SLC44A5: variants seen among roughly 807,000 people sequenced by gnomAD.
SLC44A5 encodes choline transporter-like protein 5.
A neutral mutation model predicts 101.8 loss-of-function variants in SLC44A5; 57 were observed. That is an observed-to-expected ratio of 0.56 (90% CI 0.45 to 0.70). The LOEUF (loss-of-function observed/expected upper bound fraction) is 0.70, where lower values mean the gene tolerates loss of function less well. Ranked by LOEUF, SLC44A5 falls within the 30% of genes least tolerant of loss-of-function variation. The pLI is 0.00. For synonymous variants in SLC44A5, 281 were observed against 290.9 expected (o/e 0.97, Z 0.35); for missense variants, 737 against 853.1 (o/e 0.86, Z 1.70).
At chr1:75,553,323 A>G (rs1199357716) in intron 1 of SLC44A5, among the ~76,000 whole-genome samples, 1 of 152,168 alleles carries the variant, frequency 6.6e-6, no homozygotes, top group East Asian at 1.9e-4. Flanking sequence ...ACATATTACT[A>G]AATTTTTTCA....
intron 1 of SLC44A5, among the ~76,000 whole-genome samples, chr1:75,583,766 C>T (rs1167945402): frequency 3.3e-5 from 5 of 152,180 alleles, no homozygotes; most frequent in Admixed American, 3.3e-4. Flanking sequence ...GACACTCTAC[C>T]ATTTTGTAGA....
chr1:75,453,701 C>G (rs1392715895), intron 2 of SLC44A5, among the ~76,000 whole-genome samples: 1 of 151,854 alleles, frequency 6.6e-6, no homozygotes, highest in Non-Finnish European at 1.5e-5. Flanking sequence ...GCTCAATCAC[C>G]AGCGACAATG....
intron 6 of SLC44A5, among the ~76,000 whole-genome samples, chr1:75,268,114 C>T (rs1159427997): frequency 6.6e-6 from 1 of 152,144 alleles, no homozygotes; most frequent in Non-Finnish European, 1.5e-5. Flanking sequence ...CAGACATCTC[C>T]TCATTCCACC....
At chr1:75,712,681 C>T in the SLC44A5 span, among the ~76,000 whole-genome samples, 1 of 9,174 alleles carries the variant, frequency 1.1e-4, no homozygotes, top group Admixed American at 1.1e-3. Context: ...CTACAGAAGA[C>T]AAAACAAGCA....
intron 6 of SLC44A5, among the ~76,000 whole-genome samples, chr1:75,274,423 A>G (rs1651748420): frequency 6.6e-6 from 1 of 152,162 alleles, no homozygotes; most frequent in Non-Finnish European, 1.5e-5. Context: ...CATTAGAAAG[A>G]AATTTGATGG....
chr1:75,417,477 G>C (rs576236371), intron 2 of SLC44A5, among the ~76,000 whole-genome samples: 1 of 152,306 alleles, frequency 6.6e-6, no homozygotes, highest in South Asian at 2.1e-4. Flanking sequence ...TATGGGGAGG[G>C]GAAAGAGAAG....
chr1:75,702,750 A>G, the SLC44A5 span, among the ~76,000 whole-genome samples: 1 of 152,202 alleles, frequency 6.6e-6, no homozygotes, highest in Admixed American at 6.5e-5. Flanking sequence ...AAATTTTTGC[A>G]ATCTACTCAT....
chr1:75,645,196 C>T, the SLC44A5 span, among the ~76,000 whole-genome samples: 5 of 152,104 alleles, frequency 3.3e-5, no homozygotes, highest in Non-Finnish European at 5.9e-5. Flanking sequence ...CCTGAGGAAT[C>T]GCCACACTGT....
intron 2 of SLC44A5, among the ~76,000 whole-genome samples, chr1:75,438,441 C>A (rs1336294531): frequency 2.6e-5 from 4 of 152,062 alleles, no homozygotes; most frequent in Non-Finnish European, 5.9e-5. Context: ...AATATCCAAG[C>A]ATCTCTATAA....
At chr1:75,503,904 T>G (rs1200660910) in intron 2 of SLC44A5, among the ~76,000 whole-genome samples, 1 of 152,200 alleles carries the variant, frequency 6.6e-6, no homozygotes, top group Admixed American at 6.5e-5. Context: ...AGGCTGAATA[T>G]GCAAAGACCT....
At chr1:75,354,603 CTCTCTCAAACTG>C (rs1658934240) in intron 3 of SLC44A5, among the ~76,000 whole-genome samples, 1 of 152,192 alleles carries the variant, frequency 6.6e-6, no homozygotes, top group South Asian at 2.1e-4. Flanking sequence ...GTCCCAATTT[CTCTCTCAAACTG>C]TCTTTTTCTC....
intron 2 of SLC44A5, among the ~76,000 whole-genome samples, chr1:75,478,858 C>G (rs555602065): frequency 1.6e-4 from 25 of 152,102 alleles, no homozygotes; most frequent in Non-Finnish European, 3.4e-4. Flanking sequence ...AGAAAGTTAA[C>G]AAGGATACCC....
intron 5 of SLC44A5, among the ~76,000 whole-genome samples, chr1:75,292,987 T>A (rs1220232315): frequency 6.6e-6 from 1 of 152,234 alleles, no homozygotes; most frequent in South Asian, 2.1e-4. Context: ...TTCTTCATTA[T>A]CTCACTGTTT....
At chr1:75,564,628 T>TTTATTTATTTATTTATTTAC in intron 1 of SLC44A5, among the ~76,000 whole-genome samples, 1 of 150,752 alleles carries the variant, frequency 6.6e-6, no homozygotes, top group Admixed American at 6.6e-5. Flanking sequence ...TATTTATTTA[T>TTTATTTATTTATTTATTTAC]TTATTTTTCG....
chr1:75,283,967 T>G (rs1652830732), intron 5 of SLC44A5, among the ~76,000 whole-genome samples: 1 of 152,156 alleles, frequency 6.6e-6, no homozygotes, highest in South Asian at 2.1e-4. Context: ...TTTTGCTTAC[T>G]CTTGCTTTGG....
chr1:75,225,275 A>C (rs2100529556), intron 13 of SLC44A5, among the ~76,000 whole-genome samples: 2 of 152,336 alleles, frequency 1.3e-5, no homozygotes, highest in Non-Finnish European at 2.9e-5. Flanking sequence ...GACTAGGAGC[A>C]ATAGGCCATT....
chr1:75,504,008 A>AT (rs887015398), intron 2 of SLC44A5, among the ~76,000 whole-genome samples: 50 of 151,864 alleles, frequency 3.3e-4, no homozygotes, highest in African/African-American at 9.7e-4. Flanking sequence ...CAGTGAGGGG[A>AT]TTTTTTTTAC....
chr1:75,352,800 A>T (rs938369228), intron 3 of SLC44A5, among the ~76,000 whole-genome samples: 2 of 152,216 alleles, frequency 1.3e-5, no homozygotes, highest in Non-Finnish European at 2.9e-5. Context: ...ATACATGGAT[A>T]ATACGGTTCA....
At chr1:75,601,771 C>T (rs960704574) in intron 1 of SLC44A5, among the ~76,000 whole-genome samples, 8 of 152,102 alleles carry the variant, frequency 5.3e-5, no homozygotes, top group African/African-American at 1.9e-4. Flanking sequence ...ATTTCCCTTC[C>T]ATAAAGATCA....
Sources: allele counts gnomAD v4.1 joint callset (sites outside exome capture counted in the v4.1 genomes callset), GRCh38; gene constraint gnomAD v4.1.1; transcripts MANE v1.5; gene names NCBI Gene and HGNC (gene_info 2026-07-23, HGNC 2026-07-21).